SHROOM2: variants seen among roughly 807,000 people sequenced by gnomAD.
SHROOM2 encodes the protein protein Shroom2.
A neutral mutation model predicts 75.9 loss-of-function variants in SHROOM2; 33 were observed. That is an observed-to-expected ratio of 0.43 (90% confidence interval 0.33 to 0.58). SHROOM2 has a LOEUF of 0.58. SHROOM2 is among the 20% of genes least tolerant of loss of function. The pLI is 0.04. For synonymous variants in SHROOM2, 655 were observed against 663.6 expected, an observed-to-expected ratio of 0.99 and a Z score of 0.20; for missense variants, 1,434 against 1,461.2, an observed-to-expected ratio of 0.98 and a Z score of 0.30.
Position 9,895,987 on chromosome X carries a change from G to A in SHROOM2, c.2079G>A (p.Arg693=). ...AAGAGGCCCAAGCCCGGGTCCTGAG[G>A]GCCACGTCCTTCAAGCGCCGCGACT... ...HLKEAQARVL[R]ATSFKRRDLD... The change falls in exon 4 of 10, where the codon AGG becomes AGA. Residue 693 remains arginine, a synonymous_variant. Transcript: ENST00000380913. The A allele has an allele frequency of 8.3e-7, 1 of 1,204,655 alleles. No individual in the cohort carries two copies. The highest frequency in any genetic ancestry group is 2.3e-4 in the Middle Eastern group (1 of 4,337).
chrX:9,828,882 G>A (rs750137761), intron 1 of SHROOM2, among the ~76,000 whole-genome samples: 2 of 112,473 alleles, frequency 1.8e-5, no homozygotes, highest in East Asian at 2.8e-4. Flanking sequence ...AGGGTGTAGC[G>A]TAAGGACCAT....
At chrX:9,805,436 G>GTGA (rs1214880953) in intron 1 of SHROOM2, among the ~76,000 whole-genome samples, 1 of 111,954 alleles carries the variant, frequency 8.9e-6, no homozygotes, top group Non-Finnish European at 1.9e-5. Flanking sequence ...AACCCACAAG[G>GTGA]TGATGGTATT....
chrX:9,874,060 A>G (rs2084185539), intron 2 of SHROOM2, among the ~76,000 whole-genome samples: 1 of 112,480 alleles, frequency 8.9e-6, no homozygotes, highest in African/African-American at 3.2e-5. Context: ...TTATATGTAG[A>G]TTATTTTCTT....
At chrX:9,801,078 G>C (rs771219942) in intron 1 of SHROOM2, among the ~76,000 whole-genome samples, 1 of 111,668 alleles carries the variant, frequency 9.0e-6, no homozygotes, top group Admixed American at 9.5e-5. Context: ...CATGTGGCTG[G>C]GGAGGCCTCA....
intron 5 of SHROOM2, chrX:9,912,368 T>C (rs1010382835): frequency 9.0e-6 from 1 of 111,010 alleles, no homozygotes; most frequent in Non-Finnish European, 1.9e-5. Context: ...GATGAAGTGA[T>C]GGGAAATGCA....
intron 1 of SHROOM2, among the ~76,000 whole-genome samples, chrX:9,815,950 C>G (rs2083819137): frequency 8.9e-6 from 1 of 112,112 alleles, no homozygotes; most frequent in South Asian, 3.7e-4. Flanking sequence ...TTGTATCCTT[C>G]GATCCAGTCA....
intron 2 of SHROOM2, among the ~76,000 whole-genome samples, chrX:9,876,701 C>T (rs2084202554): frequency 8.9e-6 from 1 of 112,839 alleles, no homozygotes; most frequent in African/African-American, 3.2e-5. Flanking sequence ...GGTAAACTAG[C>T]TTGCCCAAGC....
chrX:9,801,708 C>T (rs894335563), intron 1 of SHROOM2, among the ~76,000 whole-genome samples: 8 of 111,797 alleles, frequency 7.2e-5, no homozygotes, highest in African/African-American at 2.6e-4. Flanking sequence ...AATCCTAGCA[C>T]TTGGGAGGCC....
chrX:9,921,566 A>G (rs35111852), intron 5 of SHROOM2, among the ~76,000 whole-genome samples: 35,959 of 110,345 alleles, frequency 0.33, 4,709 homozygotes, highest in African/African-American at 0.48. Flanking sequence ...GTCTCTGGGT[A>G]ATTCATCTTG....
intron 1 of SHROOM2, among the ~76,000 whole-genome samples, chrX:9,804,090 G>A (rs1445110506): frequency 8.9e-6 from 1 of 111,748 alleles, no homozygotes; most frequent in Admixed American, 9.6e-5. Context: ...AGGATGGCAC[G>A]TTAAATTCTG....
Position 9,883,569 on chromosome X carries a change from G to T in SHROOM2, c.318-7408G>T, listed in dbSNP as rs573106776. Among the ~76,000 whole-genome samples, 10 of 111,108 alleles carry T rather than the reference G, an allele frequency of 9.0e-5. No homozygotes were observed. The South Asian group carries it at 3.6e-3, about 40-fold the overall frequency. On this transcript the variant is annotated intron_variant, in intron 2 of 9. Transcript: ENST00000380913. ...CAGACGCTGCCGGCCCAGGGAGCAT[G>T]CTCTGAGAACCCCTGGACTAGACCA... is the stretch of plus-strand genomic sequence containing the variant.
At position 9,949,386 on chromosome X, in the gene SHROOM2, C is replaced by T. The variant is rs1339982153; in HGVS notation, c.*2449C>T. On this transcript the variant is annotated 3_prime_UTR_variant, in exon 10 of 10. Transcript: ENST00000380913. The stretch of plus-strand genomic sequence containing the variant: ...TTCATGCTCGACACTTACCACTCAC[C>T]TATCAACAGATCATCCTGCTTGACT... The T allele has an allele frequency of 3.0e-6, 1 of 328,238 alleles. No individual in the cohort carries two copies. The highest frequency in any genetic ancestry group is 5.9e-6 in the Non-Finnish European group (1 of 168,820). 27.1% of individuals were successfully genotyped at this position (328,238 alleles called of 1,213,427 possible).
intron 1 of SHROOM2, among the ~76,000 whole-genome samples, chrX:9,800,700 G>T (rs1460608291): frequency 9.2e-6 from 1 of 109,251 alleles, no homozygotes; most frequent in Non-Finnish European, 1.9e-5. Flanking sequence ...GGAGTGGGTG[G>T]TATGCAGTGG....
intron 1 of SHROOM2, among the ~76,000 whole-genome samples, chrX:9,836,732 C>G (rs1296442609): frequency 1.8e-5 from 2 of 111,426 alleles, no homozygotes; most frequent in Non-Finnish European, 1.9e-5. Context: ...CGGCCAATTT[C>G]TACACTATAA....
intron 1 of SHROOM2, among the ~76,000 whole-genome samples, chrX:9,787,841 A>G (rs1404666779): frequency 1.8e-5 from 2 of 112,033 alleles, no homozygotes; most frequent in East Asian, 2.8e-4. Context: ...AGAGGTTGCC[A>G]TTGTTATAAA....
At chrX:9,851,546 T>A (rs1012937651) in intron 1 of SHROOM2, among the ~76,000 whole-genome samples, 20 of 95,028 alleles carry the variant, frequency 2.1e-4, no homozygotes, top group African/African-American at 7.0e-4. Context: ...AACCTCAGCC[T>A]CCTGGGCCCA....
At chrX:9,917,086 C>T (rs1278723782) in intron 5 of SHROOM2, among the ~76,000 whole-genome samples, 1 of 111,324 alleles carries the variant, frequency 9.0e-6, no homozygotes, top group Non-Finnish European at 1.9e-5. Context: ...ACATCCATCT[C>T]GGAAGGCTGG....
intron 8 of SHROOM2, among the ~76,000 whole-genome samples, chrX:9,940,691 G>A (rs183195650): frequency 3.8e-4 from 43 of 112,570 alleles, no homozygotes; most frequent in African/African-American, 1.4e-3. Flanking sequence ...TTATGATGTC[G>A]CACATTCCTG....
At chrX:9,926,258 C>T (rs1391184445) in intron 5 of SHROOM2, among the ~76,000 whole-genome samples, 1 of 112,086 alleles carries the variant, frequency 8.9e-6, no homozygotes, top group Non-Finnish European at 1.9e-5. Context: ...GATGTGTCTG[C>T]CCGGGGAAAC....
Sources: allele counts gnomAD v4.1 joint callset (sites outside exome capture counted in the v4.1 genomes callset), GRCh38; gene constraint gnomAD v4.1.1; transcripts MANE v1.5; gene names NCBI Gene and HGNC (gene_info 2026-07-23, HGNC 2026-07-21).